IL1RAPL2: variants seen among roughly 807,000 people sequenced by gnomAD.
The protein encoded by IL1RAPL2 is X-linked interleukin-1 receptor accessory protein-like 2.
IL1RAPL2 carries 3 observed loss-of-function variants against 44.1 expected under a neutral mutation model. The observed-to-expected ratio is 0.07, with a 90% CI of 0.03 to 0.18. The LOEUF is 0.18. Among genes scored for constraint, IL1RAPL2 ranks in the 10% least tolerant of loss-of-function variants. IL1RAPL2 has a pLI of 1.00. For missense variants in IL1RAPL2, 391 were observed against 496.4 expected, an observed-to-expected ratio of 0.79 and a Z score of 2.02; for synonymous variants, 181 against 178.8, an observed-to-expected ratio of 1.01 and a Z score of -0.10.
intron 5 of IL1RAPL2, among the ~76,000 whole-genome samples, chrX:105,384,608 A>G (rs978835403): frequency 2.7e-5 from 3 of 111,112 alleles, no homozygotes; most frequent in Non-Finnish European, 5.7e-5. Flanking sequence ...TTGTGGTTCC[A>G]TATAAATTTT....
chrX:105,330,244 A>G (rs2034975552), intron 5 of IL1RAPL2, among the ~76,000 whole-genome samples: 1 of 111,330 alleles, frequency 9.0e-6, no homozygotes, highest in African/African-American at 3.3e-5. Context: ...GATATGTGAC[A>G]TTTAGAGCCA....
chrX:104,870,163 A>T (rs1283320680), intron 2 of IL1RAPL2, among the ~76,000 whole-genome samples: 1 of 112,125 alleles, frequency 8.9e-6, no homozygotes, highest in Non-Finnish European at 1.9e-5. Context: ...ATGTATAAGA[A>T]TAGTAGCTAT....
chrX:105,556,175 T>TA (rs1349430687), intron 6 of IL1RAPL2, among the ~76,000 whole-genome samples: 4 of 112,096 alleles, frequency 3.6e-5, no homozygotes, highest in African/African-American at 1.3e-4. Context: ...TGCTGTGTCA[T>TA]AGGGGGACAG....
chrX:104,636,644 T>G (rs1295580550), intron 1 of IL1RAPL2, among the ~76,000 whole-genome samples: 1 of 112,173 alleles, frequency 8.9e-6, no homozygotes, highest in Admixed American at 9.4e-5. Context: ...CTCCAAGCCA[T>G]GCATGGGATA....
intron 1 of IL1RAPL2, chrX:104,647,168 T>C: frequency 3.4e-6 from 1 of 293,903 alleles, no homozygotes; most frequent in South Asian, 3.6e-5. Flanking sequence ...TGTGGCCTAG[T>C]CAGCCTGCAG....
intron 6 of IL1RAPL2, among the ~76,000 whole-genome samples, chrX:105,510,261 G>A (rs1896858062): frequency 9.0e-6 from 1 of 111,548 alleles, no homozygotes; most frequent in Non-Finnish European, 1.9e-5. Context: ...CATCATTTCT[G>A]TATTTCAACA....
rs747929543 is a variant in IL1RAPL2 at position 105,450,907 on chromosome X, A to AGTGTGTGTGTGT, written c.698-33382_698-33371dup. 1.3e-3 allele frequency among the ~76,000 whole-genome samples: 127 copies of AGTGTGTGTGTGT among 94,157 alleles called. 1 individual carries two copies. Among genetic ancestry groups the AGTGTGTGTGTGT allele is most frequent in the African/African-American group, 4.3e-3 (111 of 26,048 alleles). The allele number at this position is 94,157 out of a possible 115,157, so 81.8% of individuals were successfully genotyped here. ...AGACCACAACTCAGTCTTAGGTCCG[A>AGTGTGTGTGTGT]GTGTGTGTGTGTGTGTGTGTGTGTG... is the stretch of plus-strand genomic sequence containing the variant. On this transcript the variant is annotated intron_variant, in intron 5 of 10. Transcript: ENST00000372582.
Position 105,417,211 on chromosome X carries a change from C to T in IL1RAPL2, c.698-67102C>T, listed in dbSNP as rs769907943. ...GAAGTAGGCCGGGCGCAGTGGCTCC[C>T]GCCTGTAATCCCAGCATTTTGGGAG... is the stretch of plus-strand genomic sequence containing the variant. On this transcript the variant is annotated intron_variant, in intron 5 of 10. Coordinates refer to ENST00000372582, the MANE Select transcript of IL1RAPL2 (RefSeq NM_017416.2). Among the ~76,000 whole-genome samples, 155 of 112,491 alleles carry T rather than the reference C, an allele frequency of 1.4e-3. 1 individual carries two copies. Among genetic ancestry groups the T allele is most frequent in the Non-Finnish European group, 2.3e-3 (122 of 53,269 alleles).
At chrX:105,275,660 C>A (rs865839256) in intron 5 of IL1RAPL2, among the ~76,000 whole-genome samples, 4,032 of 111,609 alleles carry the variant, frequency 0.036, 201 homozygotes, top group African/African-American at 0.12. Flanking sequence ...TGTAGAGCAT[C>A]TTATAATTTC....
chrX:105,376,504 G>A (rs1437530950), intron 5 of IL1RAPL2, among the ~76,000 whole-genome samples: 3 of 111,700 alleles, frequency 2.7e-5, no homozygotes, highest in African/African-American at 9.8e-5. Context: ...TTACTCTGGA[G>A]CTTCTAAGTC....
chrX:104,826,961 T>TG (rs1555998338), intron 2 of IL1RAPL2, among the ~76,000 whole-genome samples: 1 of 95,312 alleles, frequency 1.0e-5, no homozygotes, highest in African/African-American at 3.9e-5. Context: ...TTTTTTTTTT[T>TG]GCTTTCCATT....
intron 6 of IL1RAPL2, among the ~76,000 whole-genome samples, chrX:105,590,089 T>C (rs771168110): frequency 9.9e-5 from 11 of 111,617 alleles, no homozygotes; most frequent in African/African-American, 3.2e-4. Flanking sequence ...AGATATATTT[T>C]GACTCTCTAG....
In IL1RAPL2 at chrX:105,170,951, A is replaced by T. The variant is rs773555720; in HGVS notation, c.83-24524A>T. Among the ~76,000 whole-genome samples the T allele has an allele frequency of 5.4e-5, 6 of 111,742 alleles. No individual in the cohort carries two copies. In the South Asian group the frequency reaches 2.3e-3, roughly 43 times the overall value. ...TTGGAGCCTGTGCCTAGGTTCCCCC[A>T]ATTATGAAGGTAACAGGCAGCGGTA... On this transcript the variant is annotated intron_variant, in intron 2 of 10. Transcript: ENST00000372582.
intron 5 of IL1RAPL2, among the ~76,000 whole-genome samples, chrX:105,362,351 A>T (rs7878736): frequency 2.7e-5 from 3 of 111,405 alleles, no homozygotes; most frequent in African/African-American, 9.8e-5. Context: ...AAGGGAAAGG[A>T]CTACTTTTAT....
chrX:105,196,704 A>G (rs1195341885), intron 3 of IL1RAPL2, among the ~76,000 whole-genome samples: 3 of 111,418 alleles, frequency 2.7e-5, no homozygotes, highest in Non-Finnish European at 5.7e-5. Flanking sequence ...GGGATTCTAC[A>G]GTATGTTCTC....
chrX:104,586,409 T>A (rs747973205), intron 1 of IL1RAPL2, among the ~76,000 whole-genome samples: 1 of 112,269 alleles, frequency 8.9e-6, no homozygotes, highest in South Asian at 3.7e-4. Flanking sequence ...TTTTTTCTGT[T>A]GATAGTTTCT....
At chrX:105,691,388 C>T (rs1321112436) in intron 6 of IL1RAPL2, among the ~76,000 whole-genome samples, 1 of 111,031 alleles carries the variant, frequency 9.0e-6, no homozygotes, top group African/African-American at 3.3e-5. Flanking sequence ...AAAAGACTAA[C>T]AAATCGGATT....
intron 6 of IL1RAPL2, among the ~76,000 whole-genome samples, chrX:105,533,125 G>A: frequency 9.0e-6 from 1 of 111,176 alleles, no homozygotes; most frequent in African/African-American, 3.3e-5. Context: ...GGGAGGCGGA[G>A]GTTGCAGTGA....
chrX:105,332,000 G>A (rs796706104), intron 5 of IL1RAPL2, among the ~76,000 whole-genome samples: 1 of 109,639 alleles, frequency 9.1e-6, no homozygotes, highest in Non-Finnish European at 1.9e-5. Flanking sequence ...TAGACAGGCA[G>A]AAGAACCAGC....
Sources: allele counts gnomAD v4.1 joint callset (sites outside exome capture counted in the v4.1 genomes callset), GRCh38; gene constraint gnomAD v4.1.1; transcripts MANE v1.5; gene names NCBI Gene and HGNC (gene_info 2026-07-23, HGNC 2026-07-21).